ROBO2: variants seen among roughly 807,000 people sequenced by gnomAD.
ROBO2 encodes the protein roundabout guidance receptor 2, also known as roundabout homolog 2.
A neutral mutation model predicts 160.8 loss-of-function variants in ROBO2; 53 were observed. That is an observed-to-expected ratio of 0.33 (90% confidence interval 0.26 to 0.41). The LOEUF (loss-of-function observed/expected upper bound fraction) is 0.41, where lower values mean the gene tolerates loss of function less well. Ranked by LOEUF, ROBO2 falls within the 10% of genes least tolerant of loss-of-function variation. ROBO2 has a pLI of 1.00. For missense variants in ROBO2, 1,577 were observed against 1,722.4 expected (o/e 0.92, Z 1.49); for synonymous variants, 664 against 611.7 (o/e 1.09, Z -1.26).
In ROBO2 at chr3:76,913,931, TGTGAATAATACTCCATTACATGAGTAA is replaced by T. The variant is rs1250898274; in HGVS notation, c.110-184082_110-184056del. On this transcript the variant is annotated intron_variant, in intron 2 of 26. Transcript: ENST00000487694. ...AAAAATACTCCTTTAGAGGAGTAACTGTGAATAATACTCCATTACATGAGTAACTGAGTAATACTCCTTTAGATAAGT... is the reference window on the plus strand; with the variant it reads ...AAAAATACTCCTTTAGAGGAGTAACTCTGAGTAATACTCCTTTAGATAAGT... Among the ~76,000 whole-genome samples the T allele has an allele frequency of 2.2e-4, 32 of 147,218 alleles. No individual in the cohort carries two copies. In the South Asian group the frequency reaches 6.9e-3, roughly 32 times the overall value.
rs369653059 is a variant in ROBO2 at position 76,740,803 on chromosome 3, A to G, written c.110-357211A>G. Among the ~76,000 whole-genome samples, 51 of 152,240 alleles carry G rather than the reference A, an allele frequency of 3.3e-4. 1 individual carries two copies. Among genetic ancestry groups the G allele is most frequent in the Middle Eastern group, 6.8e-3 (2 of 294 alleles). On this transcript the variant is annotated intron_variant, in intron 2 of 26. Coordinates refer to the ROBO2 transcript ENST00000487694. ...ATATGAGATTCCAAGATTTTTTCTT[A>G]CATTTCTGTGACATTTTCTTGTTTT...
intron 2 of ROBO2, among the ~76,000 whole-genome samples, chr3:77,276,693 C>A (rs2059849800): frequency 6.6e-6 from 1 of 152,130 alleles, no homozygotes; most frequent in Admixed American, 6.6e-5. Flanking sequence ...TCAAGACCAG[C>A]CTGGGCAACT....
At chr3:76,780,682 A>G (rs1452182117) in intron 2 of ROBO2, among the ~76,000 whole-genome samples, 3 of 150,908 alleles carry the variant, frequency 2.0e-5, no homozygotes, top group Non-Finnish European at 4.5e-5. Context: ...CATTTACTAA[A>G]GAGACTATCC....
At chr3:76,661,088 T>C (rs2091797053) in intron 2 of ROBO2, among the ~76,000 whole-genome samples, 7 of 152,194 alleles carry the variant, frequency 4.6e-5, no homozygotes, top group Admixed American at 4.6e-4. Context: ...TAGACTTTTT[T>C]AAACCATAAA....
chr3:77,612,344 C>G (rs1192494442), intron 21 of ROBO2, among the ~76,000 whole-genome samples: 2 of 152,214 alleles, frequency 1.3e-5, no homozygotes, highest in Admixed American at 1.3e-4. Flanking sequence ...CTTTCTCATC[C>G]TTCTTCGGTA....
At chr3:76,723,832 T>C (rs2093503880) in intron 2 of ROBO2, among the ~76,000 whole-genome samples, 1 of 152,228 alleles carries the variant, frequency 6.6e-6, no homozygotes, top group South Asian at 2.1e-4. Flanking sequence ...CTACTACCTG[T>C]ATCCAAATCA....
intron 8 of ROBO2, among the ~76,000 whole-genome samples, chr3:77,553,066 T>C (rs900143414): frequency 6.6e-6 from 1 of 152,000 alleles, no homozygotes; most frequent in Non-Finnish European, 1.5e-5. Context: ...TGAAGGTTTA[T>C]GGCAACCCTG....
intron 2 of ROBO2, among the ~76,000 whole-genome samples, chr3:76,752,105 T>C (rs1018621388): frequency 1.3e-5 from 2 of 152,118 alleles, no homozygotes; most frequent in Admixed American, 1.3e-4. Flanking sequence ...TGGAATACTA[T>C]GCAGCCATAA....
At chr3:77,235,526 T>C (rs550083031) in intron 2 of ROBO2, among the ~76,000 whole-genome samples, 1 of 152,290 alleles carries the variant, frequency 6.6e-6, no homozygotes, top group African/African-American at 2.4e-5. Context: ...GAACCTATTA[T>C]ACCTTTATAC....
intron 2 of ROBO2, among the ~76,000 whole-genome samples, chr3:76,241,188 T>A (rs1243707214): frequency 6.6e-6 from 1 of 152,246 alleles, no homozygotes; most frequent in Non-Finnish European, 1.5e-5. Flanking sequence ...CCTAGTTTAC[T>A]GGCCTTTCTA....
intron 2 of ROBO2, among the ~76,000 whole-genome samples, chr3:76,298,655 A>G (rs1709204010): frequency 6.6e-6 from 1 of 152,160 alleles, no homozygotes; most frequent in Non-Finnish European, 1.5e-5. Flanking sequence ...TTAACCCTCA[A>G]AACAACCTCA....
chr3:77,282,716 C>T (rs887768169), intron 2 of ROBO2, among the ~76,000 whole-genome samples: 1 of 152,004 alleles, frequency 6.6e-6, no homozygotes, highest in Non-Finnish European at 1.5e-5. Context: ...TAAACAAACT[C>T]TAATACATTT....
intron 2 of ROBO2, among the ~76,000 whole-genome samples, chr3:77,240,475 C>T (rs1346930438): frequency 2.6e-5 from 4 of 152,196 alleles, no homozygotes; most frequent in African/African-American, 9.6e-5. Flanking sequence ...CCCTCCACAC[C>T]TCCCTGCAAG....
intron 2 of ROBO2, among the ~76,000 whole-genome samples, chr3:76,141,767 A>T (rs2071679191): frequency 1.3e-5 from 2 of 151,842 alleles, no homozygotes; most frequent in African/African-American, 4.8e-5. Context: ...ATCTAATCTA[A>T]TTTTTTCCTC....
chr3:76,683,954 A>G lies in ROBO2; in HGVS notation c.110-414060A>G, dbSNP rs146519066. On this transcript the variant is annotated intron_variant, in intron 2 of 26. Transcript: ENST00000487694. ...CTTTAAACATAGATAAATTTTATTAAATTTCAGTTGTTTCAAGCACTTAGA... is the reference window on the plus strand; with the variant it reads ...CTTTAAACATAGATAAATTTTATTAGATTTCAGTTGTTTCAAGCACTTAGA... Among the ~76,000 whole-genome samples, 271 of 152,180 alleles carry G rather than the reference A, an allele frequency of 1.8e-3. 1 individual carries two copies. The highest frequency in any genetic ancestry group is 6.2e-3 in the African/African-American group (259 of 41,556).
chr3:76,320,073 C>A (rs911616592), intron 2 of ROBO2, among the ~76,000 whole-genome samples: 2 of 152,038 alleles, frequency 1.3e-5, no homozygotes, highest in Non-Finnish European at 2.9e-5. Flanking sequence ...CTATTTAAAA[C>A]AAACTACACA....
At chr3:76,145,117 C>T (rs1000079921) in intron 2 of ROBO2, among the ~76,000 whole-genome samples, 2 of 49,188 alleles carry the variant, frequency 4.1e-5, no homozygotes, top group Non-Finnish European at 1.3e-4. Flanking sequence ...AAAAAAAAAA[C>T]GCTTTGAAAT....
chr3:77,465,999 A>C (rs1582183179), intron 2 of ROBO2, among the ~76,000 whole-genome samples: 1 of 152,236 alleles, frequency 6.6e-6, no homozygotes, highest in Non-Finnish European at 1.5e-5. Flanking sequence ...ATGCTTTTGA[A>C]GATTTATGGT....
intron 2 of ROBO2, among the ~76,000 whole-genome samples, chr3:76,797,185 C>T (rs921139208): frequency 1.1e-4 from 16 of 152,160 alleles, no homozygotes; most frequent in African/African-American, 3.4e-4. Flanking sequence ...CAAGAACAGA[C>T]CTTACATTAG....
Sources: gnomAD v4.1 joint callset for allele counts (sites outside exome capture counted in the v4.1 genomes callset) on GRCh38, gnomAD v4.1.1 for gene constraint, MANE v1.5 for transcripts, NCBI Gene and HGNC (gene_info 2026-07-23, HGNC 2026-07-21) for gene names.